Variants in FMO5 observed in about 807,000 individuals in gnomAD.
FMO5 encodes flavin-containing monooxygenase 5.
In FMO5, 51 loss-of-function variants were observed where a neutral mutation model predicts 43.6. The observed-to-expected ratio is 1.17, with a 90% CI of 0.93 to 1.48. The LOEUF is 1.48. FMO5 is among the 40% of genes most tolerant of loss of function. The probability of loss-of-function intolerance (pLI) is 0.00; values close to 1 mark genes in which losing one functional copy is unlikely to be tolerated. For missense variants in FMO5, 644 were observed against 643.0 expected, an observed-to-expected ratio of 1.00 and a Z score of -0.02; for synonymous variants, 187 against 216.5, an observed-to-expected ratio of 0.86 and a Z score of 1.20.
At chr1:147,192,005 G>C (rs6033453) in intron 7 of FMO5, among the ~76,000 whole-genome samples, 5,534 of 151,998 alleles carry the variant, frequency 0.036, 144 homozygotes, top group South Asian at 0.094. Context: ...CTCTTTTTTG[G>C]TTCCATATGA....
chr1:147,213,773 G>A (rs1272923625), intron 3 of FMO5, among the ~76,000 whole-genome samples: 4 of 152,110 alleles, frequency 2.6e-5, no homozygotes, highest in African/African-American at 9.7e-5. Flanking sequence ...TAAAGCCTGG[G>A]CTTCTCCTGT....
intron 3 of FMO5, among the ~76,000 whole-genome samples, chr1:147,214,476 A>AAAG (rs1661632098): frequency 6.6e-6 from 1 of 150,642 alleles, no homozygotes; most frequent in Non-Finnish European, 1.5e-5. Flanking sequence ...CAAAAAAAAA[A>AAAG]AGAGAGACAA....
chr1:147,220,908 C>T (rs1488770131), intron 2 of FMO5, among the ~76,000 whole-genome samples: 2 of 142,988 alleles, frequency 1.4e-5, no homozygotes, highest in Admixed American at 7.2e-5. Flanking sequence ...ATGCTAATTT[C>T]TTACTTATAA....
At chr1:147,225,688 C>G (rs1040151132), upstream of FMO5, 7 of 152,768 alleles carry the variant, frequency 4.6e-5, no homozygotes, top group Non-Finnish European at 7.3e-5. Context: ...GTCAACAACC[C>G]CAAAGCCAGT....
chr1:147,204,769 AT>A, intron 6 of FMO5: 3 of 1,566,708 alleles, frequency 1.9e-6, no homozygotes, highest in Non-Finnish European at 1.8e-6. Context: ...GTTGATAACC[AT>A]TTTTTTCATT....
chr1:147,200,771 TA>T (rs138270463), intron 7 of FMO5, among the ~76,000 whole-genome samples: 2,953 of 152,286 alleles, frequency 0.019, 78 homozygotes, highest in African/African-American at 0.067. Context: ...TGAAAGAAGA[TA>T]AAACTATTTT....
downstream of FMO5, chr1:147,186,221 G>T: frequency 1.6e-6 from 1 of 618,412 alleles, no homozygotes; most frequent in Non-Finnish European, 2.0e-6. Flanking sequence ...GATCTCATTG[G>T]CAGATGGTAG....
intron 6 of FMO5, among the ~76,000 whole-genome samples, chr1:147,206,804 TCTG>T (rs1660153158): frequency 6.7e-6 from 1 of 149,336 alleles, no homozygotes; most frequent in African/African-American, 2.5e-5. Flanking sequence ...AGGAGATATA[TCTG>T]ATGTAAATGA....
rs145252386 is a variant in FMO5 at position 147,187,204 on chromosome 1, A to G, written c.1298T>C (p.Ile433Thr). 1.1e-5 allele frequency: 18 copies of G among 1,613,804 alleles called. No individual in the cohort carries two copies. Among genetic ancestry groups the G allele is most frequent in the Admixed American group, 1.7e-5 (1 of 59,970 alleles). ...ATCAGCAAGCTCTTCCATGGTATCT[A>G]TGTAGTCTCCCTGAATGGTATGGCG... ...SQRHTIQGDY[I>T]DTMEELADLV... Residue 433 changes from isoleucine (I) to threonine (T), a missense_variant, in exon 9 of 9, where the codon ATA (isoleucine) becomes ACA (threonine). By Grantham distance (89) the Ile-to-Thr change is moderately conservative. Transcript: ENST00000254090.
chr1:147,208,982 C>T lies in FMO5; in HGVS notation c.700G>A (p.Val234Met), dbSNP rs782790150. ...RVGDYGYPAD[V>M]LFSSRLTHFI... ...TGTGTAAGTCGAGAAGAGAACAACA[C>T]ATCAGCAGGATATCCGTAGTCCCCT... The change falls in exon 6 of 9, where the codon GTG becomes ATG. Residue 234 changes from valine (V) to methionine (M), a missense_variant. Coordinates refer to ENST00000254090, the MANE Select transcript of FMO5 (RefSeq NM_001461.4). 1.2e-6 allele frequency: 2 copies of T among 1,614,084 alleles called. No homozygotes were observed. The highest frequency in any genetic ancestry group is 2.7e-5 in the African/African-American group (2 of 75,014).
intron 7 of FMO5, among the ~76,000 whole-genome samples, chr1:147,199,508 C>CA (rs1267194508): frequency 6.6e-6 from 1 of 152,212 alleles, no homozygotes; most frequent in African/African-American, 2.4e-5. Context: ...CCCATAATCT[C>CA]ATAACCATAA....
downstream of FMO5, among the ~76,000 whole-genome samples, chr1:147,185,102 CTT>C (rs1655504211): frequency 6.6e-6 from 1 of 151,970 alleles, no homozygotes; most frequent in African/African-American, 2.4e-5. Flanking sequence ...AGCTTTGTAT[CTT>C]AAGTTGTTTT....
At chr1:147,206,801 A>G (rs1420234669) in intron 6 of FMO5, among the ~76,000 whole-genome samples, 2 of 151,222 alleles carry the variant, frequency 1.3e-5, no homozygotes, top group Non-Finnish European at 2.9e-5. Flanking sequence ...ATTAGGAGAT[A>G]TATCTGATGT....
rs1658961975 is a variant in FMO5 at position 147,201,483 on chromosome 1, G to A, written c.852C>T (p.Thr284=). Residue 284 remains threonine, a synonymous_variant, in exon 7 of 9, where the codon ACC becomes ACT. Coordinates refer to ENST00000254090, the MANE Select transcript of FMO5 (RefSeq NM_001461.4). ...TACGATTTGGCAGGTCATCATTTAA[G>A]GTTGGATGCTGACTCAGAGCTCTGT... ...PKHRALSQHP[T]LNDDLPNRII... is the part of the protein sequence containing the mutation. 2 of 1,613,730 alleles carry A rather than the reference G, an allele frequency of 1.2e-6. No homozygotes were observed. The highest frequency in any genetic ancestry group is 4.5e-5 in the East Asian group (2 of 44,878).
At chr1:147,202,161 T>C (rs1659082029) in intron 6 of FMO5, among the ~76,000 whole-genome samples, 1 of 151,990 alleles carries the variant, frequency 6.6e-6, no homozygotes, top group South Asian at 2.1e-4. Context: ...CTTGGTATAC[T>C]TCGGGCTTGT....
chr1:147,217,530 G>A (rs1210559097), intron 2 of FMO5, among the ~76,000 whole-genome samples: 2 of 152,174 alleles, frequency 1.3e-5, no homozygotes, highest in Non-Finnish European at 2.9e-5. Context: ...TTTGTTGTTT[G>A]TTGGCTTTGT....
chr1:147,226,117 T>TTC (rs1663967058), upstream of FMO5, among the ~76,000 whole-genome samples: 1 of 151,432 alleles, frequency 6.6e-6, no homozygotes, highest in African/African-American at 2.4e-5. Flanking sequence ...CTTTTTTTTT[T>TTC]TTCCAACTTT....
downstream of FMO5, among the ~76,000 whole-genome samples, chr1:147,185,846 A>C (rs991135197): frequency 5.3e-5 from 8 of 152,222 alleles, no homozygotes; most frequent in African/African-American, 1.9e-4. Context: ...TGGCACTGGG[A>C]TGTAAACCCA....
chr1:147,208,169 C>T (rs1660420886), intron 6 of FMO5, among the ~76,000 whole-genome samples: 1 of 152,156 alleles, frequency 6.6e-6, no homozygotes, highest in Admixed American at 6.5e-5. Flanking sequence ...ATTACTATTA[C>T]TATTATGTCT....
Sources: gnomAD v4.1 joint callset for allele counts (sites outside exome capture counted in the v4.1 genomes callset) on GRCh38, gnomAD v4.1.1 for gene constraint, MANE v1.5 for transcripts, NCBI Gene and HGNC (gene_info 2026-07-23, HGNC 2026-07-21) for gene names.